Variants in PRR33 observed in about 807,000 individuals in gnomAD.
PRR33 encodes the protein proline rich 33, also known as proline-rich protein 33.
A neutral mutation model predicts 0.5 loss-of-function variants in PRR33; 1 was observed. That is an observed-to-expected ratio of 2.18 (90% CI 0.77 to 10.34). The LOEUF (loss-of-function observed/expected upper bound fraction) is 10.34. PRR33 is among the 30% of genes most tolerant of loss of function. The pLI, the probability that PRR33 is intolerant of heterozygous loss-of-function variation, is 0.13. For missense variants in PRR33, 552 were observed against 251.8 expected (o/e 2.19, Z -8.07); for synonymous variants, 226 against 110.0 (o/e 2.06, Z -6.60).
At chr11:1,902,975 G>A in the PRR33 span, 1 of 152,138 alleles carries the variant, frequency 6.6e-6, no homozygotes, top group Non-Finnish European at 1.5e-5. Context: ...GTAGCAGTGA[G>A]GACGACCAGA....
chr11:1,913,278 C>G, the PRR33 span, among the ~76,000 whole-genome samples: 1 of 151,342 alleles, frequency 6.6e-6, no homozygotes, highest in Non-Finnish European at 1.5e-5. Flanking sequence ...AGGCACCCAC[C>G]ACCACGCCCA....
the PRR33 span, among the ~76,000 whole-genome samples, chr11:1,908,493 G>C: frequency 1.3e-5 from 2 of 151,434 alleles, no homozygotes; most frequent in Non-Finnish European, 2.9e-5. Context: ...TCATTTTCTT[G>C]CTACAGATTC....
chr11:1,905,178 G>C, the PRR33 span, among the ~76,000 whole-genome samples: 1 of 141,374 alleles, frequency 7.1e-6, no homozygotes, highest in Non-Finnish European at 1.5e-5. Context: ...CCAGGCTGGA[G>C]TGCAGTGGCG....
the PRR33 span, among the ~76,000 whole-genome samples, chr11:1,904,507 C>T: frequency 4.0e-5 from 6 of 150,544 alleles, no homozygotes; most frequent in Non-Finnish European, 7.4e-5. Context: ...CCAGCCTGGG[C>T]GACAGAGCAA....
At chr11:1,889,064 A>C in exon 1 of PRR33, 1 of 578,004 alleles carries the variant, frequency 1.7e-6, no homozygotes, top group South Asian at 2.0e-5. Flanking sequence ...TCATGCAGCA[A>C]CTATGGGCCC....
At chr11:1,909,840 G>T in the PRR33 span, among the ~76,000 whole-genome samples, 2 of 152,314 alleles carry the variant, frequency 1.3e-5, no homozygotes, top group East Asian at 3.9e-4. Context: ...CTGAGTTGAG[G>T]GCTCTGTGCA....
chr11:1,895,043 T>C (rs1849108600), upstream of PRR33, among the ~76,000 whole-genome samples: 1 of 152,234 alleles, frequency 6.6e-6, no homozygotes, highest in African/African-American at 2.4e-5. Context: ...CACTGATACA[T>C]CTTGCTGGGG....
upstream of PRR33, among the ~76,000 whole-genome samples, chr11:1,893,134 A>G (rs1849065147): frequency 8.1e-6 from 1 of 123,686 alleles, no homozygotes; most frequent in Non-Finnish European, 1.8e-5. Context: ...GGATGAATGG[A>G]TAGACGGACA....
chr11:1,898,571 A>G, the PRR33 span, among the ~76,000 whole-genome samples: 2 of 152,056 alleles, frequency 1.3e-5, no homozygotes, highest in African/African-American at 2.4e-5. Context: ...CATTTACTCC[A>G]AACCATGGAA....
At chr11:1,888,874 T>C in exon 1 of PRR33, 1 of 394,680 alleles carries the variant, frequency 2.5e-6, no homozygotes, top group African/African-American at 2.1e-5. Context: ...GCCCCCATCC[T>C]ACATCCCGAC....
chr11:1,895,885 G>A (rs941919085), upstream of PRR33, among the ~76,000 whole-genome samples: 2 of 152,172 alleles, frequency 1.3e-5, no homozygotes, highest in African/African-American at 4.8e-5. Context: ...GTGGGTGCCT[G>A]CGGTCCCAGC....
the PRR33 span, among the ~76,000 whole-genome samples, chr11:1,908,598 G>A: frequency 1.3e-5 from 2 of 151,872 alleles, no homozygotes; most frequent in African/African-American, 4.8e-5. Context: ...TTATCTTCTA[G>A]CTGGTGGTTG....
At chr11:1,894,854 G>A (rs112178177), upstream of PRR33, among the ~76,000 whole-genome samples, 4,090 of 152,252 alleles carry the variant, frequency 0.027, 206 homozygotes, top group African/African-American at 0.094. Context: ...ACTAGATGCC[G>A]TGGGAGGTGT....
chr11:1,890,879 C>T, exon 1 of PRR33: 1 of 423,880 alleles, frequency 2.4e-6, no homozygotes, highest in Non-Finnish European at 4.3e-6. Context: ...CATGCCACCC[C>T]AGCACAAAGC....
chr11:1,898,799 G>C, the PRR33 span, among the ~76,000 whole-genome samples: 1,868 of 152,126 alleles, frequency 0.012, 42 homozygotes, highest in African/African-American at 0.043. Flanking sequence ...TCAGGAGTTC[G>C]AGACCAGCCT....
the PRR33 span, among the ~76,000 whole-genome samples, chr11:1,904,208 A>G: frequency 1.3e-5 from 2 of 152,304 alleles, no homozygotes; most frequent in East Asian, 3.9e-4. Flanking sequence ...GCTCTACGCC[A>G]GATCCACTTC....
At chr11:1,910,089 A>G in the PRR33 span, among the ~76,000 whole-genome samples, 1 of 152,194 alleles carries the variant, frequency 6.6e-6, no homozygotes, top group Non-Finnish European at 1.5e-5. Context: ...TGCAGAACCC[A>G]TCTATGAATA....
the PRR33 span, among the ~76,000 whole-genome samples, chr11:1,915,279 G>C: frequency 6.7e-6 from 1 of 149,530 alleles, no homozygotes; most frequent in Non-Finnish European, 1.5e-5. Flanking sequence ...CACATCCCTG[G>C]GGATGATGTT....
At chr11:1,901,533 C>T in the PRR33 span, among the ~76,000 whole-genome samples, 1 of 152,176 alleles carries the variant, frequency 6.6e-6, no homozygotes, top group Non-Finnish European at 1.5e-5. Context: ...TCTTTTCCCC[C>T]TTTAGACTAT....
Sources: gnomAD v4.1 joint callset for allele counts (sites outside exome capture counted in the v4.1 genomes callset) on GRCh38, gnomAD v4.1.1 for gene constraint, MANE v1.5 for transcripts, NCBI Gene and HGNC (gene_info 2026-07-23, HGNC 2026-07-21) for gene names.